The following ANAPC4 variants were observed in gnomAD, a reference collection of about 807,000 sequenced individuals.
The protein encoded by ANAPC4 is anaphase-promoting complex subunit 4.
A neutral mutation model predicts 119.8 loss-of-function variants in ANAPC4; 63 were observed. The ratio of observed to expected loss-of-function variants is 0.53; its 90% confidence interval spans 0.43 to 0.65. The LOEUF (loss-of-function observed/expected upper bound fraction) is 0.65. ANAPC4 is among the 30% of genes least tolerant of loss of function. ANAPC4 has a pLI of 0.00. For missense variants in ANAPC4, 716 were observed against 945.1 expected (o/e 0.76, Z 3.18); for synonymous variants, 283 against 318.6 (o/e 0.89, Z 1.19).
chr4:25,381,685 C>A (rs560141113), intron 3 of ANAPC4, among the ~76,000 whole-genome samples: 4 of 152,076 alleles, frequency 2.6e-5, no homozygotes, highest in African/African-American at 9.7e-5. Context: ...CATGGTGGCT[C>A]ACGCCTGTAA....
At chr4:25,380,601 A>G (rs909001799) in intron 3 of ANAPC4, 122 bp downstream of exon 3, 1 of 576,124 alleles carries the variant, frequency 1.7e-6, no homozygotes, top group Non-Finnish European at 2.7e-6. Context: ...TCACTTTGGG[A>G]ACTTTTTAAA....
At chr4:25,381,687 C>T (rs779485725) in intron 3 of ANAPC4, among the ~76,000 whole-genome samples, 12 of 152,102 alleles carry the variant, frequency 7.9e-5, no homozygotes, top group African/African-American at 1.7e-4. Flanking sequence ...TGGTGGCTCA[C>T]GCCTGTAATC....
Position 25,383,187 on chromosome 4 carries a change from G to A in ANAPC4, c.236-74G>A, listed in dbSNP as rs1278861790. Reference sequence around the variant, plus strand: ...GATGCACTTAAAAGAGTAAAACTGGGCAATAAGGGAAATACCCATTTATTT... The same window carrying A: ...GATGCACTTAAAAGAGTAAAACTGGACAATAAGGGAAATACCCATTTATTT... On this transcript the variant is annotated intron_variant, in intron 3 of 28. Transcript: ENST00000315368. The A allele has an allele frequency of 4.4e-6, 6 of 1,363,852 alleles. No homozygotes were observed. In the South Asian group the frequency reaches 9.6e-5, roughly 22 times the overall value. The allele number at this position is 1,363,852 out of a possible 1,614,324, so 84.5% of individuals were successfully genotyped here.
At chr4:25,387,011 C>T (rs1044250319) in intron 4 of ANAPC4, among the ~76,000 whole-genome samples, 2 of 152,092 alleles carry the variant, frequency 1.3e-5, no homozygotes, top group Non-Finnish European at 2.9e-5. Flanking sequence ...ATATTAATTT[C>T]CATTTCATGA....
intron 2 of ANAPC4, 81 bp downstream of exon 2, chr4:25,377,637 C>T: frequency 2.6e-6 from 4 of 1,515,602 alleles, no homozygotes; most frequent in South Asian, 1.2e-5. Context: ...CCTGTTCATT[C>T]GGGCCACAGG....
rs1258001693 is a variant in ANAPC4 at position 25,414,648 on chromosome 4, G to C, written c.1774G>C (p.Glu592Gln). ...ACATTATCTTCTTTTTACTATTCTA[G>C]AAGATTCACTTTATAAAATGTGCAT... ...NLHYLLFTIL[E>Q]DSLYKMCILR... The change falls in exon 25 of 29, where the codon GAA (glutamate) becomes CAA (glutamine). Residue 592 changes from glutamate to glutamine, a missense_variant. Around this residue, in one of 3 missense-constraint regions of ANAPC4, gnomAD observed 504 missense variants for 615.8 expected, o/e 0.82. Coordinates refer to ENST00000315368, the MANE Select transcript of ANAPC4 (RefSeq NM_013367.3). 6.4e-7 allele frequency: 1 copy of C among 1,551,922 alleles called. No homozygotes were observed. The highest frequency in any genetic ancestry group is 8.8e-7 in the Non-Finnish European group (1 of 1,141,214).
Position 25,394,381 on chromosome 4 carries a change from A to T in ANAPC4, c.941+7A>T. On this transcript the variant is annotated splice_region_variant and intron_variant, in intron 12 of 28. Coordinates refer to ENST00000315368, the MANE Select transcript of ANAPC4 (RefSeq NM_013367.3). ...TATTATGGGGGAAAGCAAGGTAATAAACTCAGATTAGGTGCTCCTGTTTTT... is the reference window on the plus strand; with the variant it reads ...TATTATGGGGGAAAGCAAGGTAATATACTCAGATTAGGTGCTCCTGTTTTT... 1 of 1,420,168 alleles carries T rather than the reference A, an allele frequency of 7.0e-7. No homozygotes were observed. The highest frequency in any genetic ancestry group is 9.3e-7 in the Non-Finnish European group (1 of 1,071,112). 88.0% of individuals were successfully genotyped at this position (1,420,168 alleles called of 1,614,324 possible). A position where few individuals can be genotyped will look rare whatever the true frequency, so the allele number is the denominator to read the frequency against.
intron 21 of ANAPC4, chr4:25,412,768 A>G (rs984003283): frequency 2.6e-5 from 4 of 151,664 alleles, no homozygotes; most frequent in African/African-American, 9.7e-5. Context: ...AGAAAAAAAA[A>G]AATGTTCCTG....
Position 25,405,703 on chromosome 4 carries a change from A to C in ANAPC4, c.1317+84A>C. 1 of 1,307,582 alleles carries C rather than the reference A, an allele frequency of 7.6e-7. No individual in the cohort carries two copies. Among genetic ancestry groups the C allele is most frequent in the Non-Finnish European group, 1.1e-6 (1 of 916,220 alleles). 81.0% of individuals were successfully genotyped at this position (1,307,582 alleles called of 1,614,324 possible). A position where few individuals can be genotyped will look rare whatever the true frequency, so the allele number is the denominator to read the frequency against. ...GCTGGTCATTTTGGTACTCTTATTCAGTTATTAGTTAACAGGATGTCAGGA... is the reference window on the plus strand; with the variant it reads ...GCTGGTCATTTTGGTACTCTTATTCCGTTATTAGTTAACAGGATGTCAGGA... On this transcript the variant is annotated intron_variant, in intron 18 of 28. Coordinates refer to ENST00000315368, the MANE Select transcript of ANAPC4 (RefSeq NM_013367.3). The surrounding 1 kb of genome is among the most constrained non-coding windows in gnomAD (Gnocchi z 4.6).
At position 25,396,995 on chromosome 4, in the gene ANAPC4, A is replaced by G. The variant is rs1015291815; in HGVS notation, c.1214+96A>G. On this transcript the variant is annotated intron_variant, in intron 16 of 28. Coordinates refer to ENST00000315368, the MANE Select transcript of ANAPC4 (RefSeq NM_013367.3). Reference sequence around the variant, plus strand: ...AAGCTGTTATGATTCTCTTAAAATCAGTTTTTAAATTTTTATCACAATTAT... The same window carrying G: ...AAGCTGTTATGATTCTCTTAAAATCGGTTTTTAAATTTTTATCACAATTAT... 19 of 1,288,612 alleles carry G rather than the reference A, an allele frequency of 1.5e-5. No homozygotes were observed. The Admixed American group carries it at 2.1e-4, about 14-fold the overall frequency. The allele number at this position is 1,288,612 out of a possible 1,614,324, so 79.8% of individuals were successfully genotyped here.
intron 10 of ANAPC4, among the ~76,000 whole-genome samples, chr4:25,393,378 G>C (rs1214686153): frequency 6.6e-6 from 1 of 152,086 alleles, no homozygotes; most frequent in East Asian, 1.9e-4. Context: ...AAGAGTGATT[G>C]AGGCTGGGCA....
chr4:25,397,036 C>T (rs1323801373), intron 16 of ANAPC4, 137 bp downstream of exon 16: 24 of 832,768 alleles, frequency 2.9e-5, no homozygotes, highest in South Asian at 4.2e-5. Context: ...TATATGGTTC[C>T]GAAAAGCCAG....
In ANAPC4 at chr4:25,402,963, C is replaced by A. The variant is rs779044909; in HGVS notation, c.1215-8C>A. ...CTTATTTCTGATTTTTTGTTTTTAT[C>A]TCTTTAGAGTTATAGATAGTAGTAT... On this transcript the variant is annotated splice_polypyrimidine_tract_variant and splice_region_variant and intron_variant, in intron 16 of 28. Transcript: ENST00000315368. 1.3e-6 allele frequency: 2 copies of A among 1,536,452 alleles called. No homozygotes were observed. The highest frequency in any genetic ancestry group is 1.8e-6 in the Non-Finnish European group (2 of 1,124,208).
intron 20 of ANAPC4, among the ~76,000 whole-genome samples, chr4:25,409,229 A>G (rs1478383698): frequency 6.6e-6 from 1 of 152,248 alleles, no homozygotes; most frequent in African/African-American, 2.4e-5. Flanking sequence ...TACATTGACA[A>G]TGGATACTTA....
chr4:25,414,561 C>T, intron 24 of ANAPC4, 38 bp from the exon 25 acceptor site: 2 of 1,559,518 alleles, frequency 1.3e-6, no homozygotes, highest in Non-Finnish European at 1.7e-6. Flanking sequence ...TTTTATCCAT[C>T]AATAGTTAAA....
intron 25 of ANAPC4, chr4:25,415,090 G>A (rs1287036128): frequency 1.1e-5 from 2 of 188,208 alleles, no homozygotes; most frequent in Non-Finnish European, 2.2e-5. Flanking sequence ...CTAGGGTTAA[G>A]TATGCTTTTC....
chr4:25,406,995 T>C (rs1723285942), intron 19 of ANAPC4, 110 bp downstream of exon 19: 3 of 978,774 alleles, frequency 3.1e-6, no homozygotes, highest in Admixed American at 6.0e-5. Context: ...CTATAGCAAT[T>C]ACTTTTTTAA....
intron 10 of ANAPC4, among the ~76,000 whole-genome samples, chr4:25,393,522 C>T (rs1265321999): frequency 6.6e-6 from 1 of 152,062 alleles, no homozygotes. Flanking sequence ...ATTAGCTGGG[C>T]ATGGTGACGC....
intron 21 of ANAPC4, among the ~76,000 whole-genome samples, chr4:25,410,206 GT>G (rs1432763592): frequency 6.6e-6 from 1 of 152,052 alleles, no homozygotes; most frequent in Non-Finnish European, 1.5e-5. Flanking sequence ...ATGTGTACTT[GT>G]TATACCTTTC....
Sources: gnomAD v4.1 joint callset for allele counts (sites outside exome capture counted in the v4.1 genomes callset) on GRCh38, gnomAD v4.1.1 for gene constraint, gnomAD v4.1.1 regional missense constraint, Gnocchi (gnomAD v3.1) non-coding constraint, MANE v1.5 for transcripts, NCBI Gene and HGNC (gene_info 2026-07-23, HGNC 2026-07-21) for gene names.